The following FDX1 variants were observed in gnomAD, a reference collection of about 807,000 sequenced individuals.
FDX1 encodes adrenodoxin, mitochondrial.
FDX1 carries 9 observed loss-of-function variants against 14.9 expected under a neutral mutation model. The observed-to-expected ratio is 0.60, with a 90% CI of 0.36 to 1.05. The LOEUF (loss-of-function observed/expected upper bound fraction) is 1.05, where lower values mean the gene tolerates loss of function less well. Ranked by LOEUF, FDX1 falls within the 50% of genes least tolerant of loss-of-function variation. The probability of loss-of-function intolerance (pLI) is 0.01; values close to 1 mark genes in which losing one functional copy is unlikely to be tolerated. For missense variants in FDX1, 204 were observed against 237.2 expected (o/e 0.86, Z 0.92); for synonymous variants, 92 against 99.4 (o/e 0.93, Z 0.44).
intron 2 of FDX1, among the ~76,000 whole-genome samples, chr11:110,453,471 C>CTT (rs35726307): frequency 3.0e-4 from 44 of 146,190 alleles, no homozygotes; most frequent in African/African-American, 1.1e-3. Flanking sequence ...AAAGGAGTAA[C>CTT]TTTTTTTTTT....
chr11:110,450,936 G>A (rs1946482278), intron 2 of FDX1, among the ~76,000 whole-genome samples: 1 of 152,098 alleles, frequency 6.6e-6, no homozygotes, highest in Non-Finnish European at 1.5e-5. Flanking sequence ...CTGGGGCTGT[G>A]TATATAATAA....
chr11:110,464,235 G>A lies in FDX1; in HGVS notation c.*1767G>A, dbSNP rs1235848390. The A allele has an allele frequency of 6.6e-6, 1 of 152,140 alleles. No individual in the cohort carries two copies. Among genetic ancestry groups the A allele is most frequent in the Non-Finnish European group, 1.5e-5 (1 of 68,044 alleles). The allele number at this position is 152,140 out of a possible 1,614,324, so 9.4% of individuals were successfully genotyped here. A position where few individuals can be genotyped will look rare whatever the true frequency, so the allele number is the denominator to read the frequency against. The stretch of plus-strand genomic sequence containing the variant: ...GCCATAACTATTGAATGCTTTCTAT[G>A]TGGAGAGTGCTTGTCTTAATTTTCT... On this transcript the variant is annotated 3_prime_UTR_variant, in exon 4 of 4. Coordinates refer to ENST00000260270, the MANE Select transcript of FDX1 (RefSeq NM_004109.5).
At chr11:110,445,029 G>A (rs1368334986) in intron 2 of FDX1, among the ~76,000 whole-genome samples, 1 of 151,410 alleles carries the variant, frequency 6.6e-6, no homozygotes, top group African/African-American at 2.4e-5. Context: ...TGTGAAAAAT[G>A]ATGTTGGTAG....
At chr11:110,457,278 T>C (rs1036327594) in intron 3 of FDX1, among the ~76,000 whole-genome samples, 2 of 152,190 alleles carry the variant, frequency 1.3e-5, no homozygotes, top group African/African-American at 4.8e-5. Context: ...AAGTATAAGT[T>C]CTAGATCCTA....
chr11:110,444,967 G>A (rs1946441278), intron 2 of FDX1, among the ~76,000 whole-genome samples: 2 of 151,494 alleles, frequency 1.3e-5, no homozygotes, highest in Admixed American at 6.6e-5. Flanking sequence ...TTTGGGGCCT[G>A]TCTACCCTGC....
intron 2 of FDX1, among the ~76,000 whole-genome samples, chr11:110,443,817 T>C (rs1008602996): frequency 2.0e-5 from 3 of 152,000 alleles, no homozygotes; most frequent in Admixed American, 2.0e-4. Flanking sequence ...TCTCTGATGA[T>C]TAGTGATGTG....
intron 2 of FDX1, among the ~76,000 whole-genome samples, chr11:110,456,464 C>A (rs1946522183): frequency 6.8e-6 from 1 of 147,510 alleles, no homozygotes; most frequent in Non-Finnish European, 1.5e-5. Context: ...GAGATGGAGG[C>A]TTGTTGCCCC....
chr11:110,457,981 A>C (rs1946533081), intron 3 of FDX1, among the ~76,000 whole-genome samples: 1 of 152,216 alleles, frequency 6.6e-6, no homozygotes, highest in African/African-American at 2.4e-5. Flanking sequence ...ACACCAAAGC[A>C]GAGTGGATTG....
At chr11:110,443,958 A>G (rs1946421844) in intron 2 of FDX1, among the ~76,000 whole-genome samples, 1 of 151,856 alleles carries the variant, frequency 6.6e-6, no homozygotes, top group Non-Finnish European at 1.5e-5. Flanking sequence ...GATTCTGGAT[A>G]TTAGACCTTT....
In FDX1 at chr11:110,462,565, A is replaced by G. The variant is rs2134696211; in HGVS notation, c.*97A>G. On this transcript the variant is annotated 3_prime_UTR_variant, in exon 4 of 4. Transcript: ENST00000260270. ...ATGAGAACATGGATGAGTGGACTTC[A>G]TATTATGACTAGCTTTACTATTTTA... 1.8e-6 allele frequency: 1 copy of G among 543,668 alleles called. No homozygotes were observed. The highest frequency in any genetic ancestry group is 3.2e-6 in the Non-Finnish European group (1 of 315,952). 33.7% of individuals were successfully genotyped at this position (543,668 alleles called of 1,614,324 possible). A position where few individuals can be genotyped will look rare whatever the true frequency, so the allele number is the denominator to read the frequency against.
chr11:110,433,407 C>T (rs1358750995), intron 1 of FDX1, among the ~76,000 whole-genome samples: 1 of 152,152 alleles, frequency 6.6e-6, no homozygotes, highest in Non-Finnish European at 1.5e-5. Flanking sequence ...ATGGTACCAC[C>T]TAATTGTGTG....
rs1475929898 is a variant in FDX1 at position 110,459,577 on chromosome 11, T to A, written c.440+2530T>A. Among the ~76,000 whole-genome samples the A allele has an allele frequency of 2.0e-5, 3 of 152,238 alleles. No homozygotes were observed. The East Asian group carries it at 5.8e-4, about 29-fold the overall frequency. ...TTAGTCTTTTACTATTTCAAGCTGCTTCTCTGAGTTGAAAACCAAACCCTA... is the reference window on the plus strand; with the variant it reads ...TTAGTCTTTTACTATTTCAAGCTGCATCTCTGAGTTGAAAACCAAACCCTA... On this transcript the variant is annotated intron_variant, in intron 3 of 3. Coordinates refer to ENST00000260270, the MANE Select transcript of FDX1 (RefSeq NM_004109.5).
intron 2 of FDX1, among the ~76,000 whole-genome samples, chr11:110,452,956 CA>C (rs1946496148): frequency 6.6e-6 from 1 of 152,154 alleles, no homozygotes; most frequent in East Asian, 1.9e-4. Context: ...AAAGCAACAG[CA>C]AAAGGGAATT....
intron 2 of FDX1, among the ~76,000 whole-genome samples, chr11:110,439,202 C>G (rs1946389870): frequency 6.6e-6 from 1 of 151,782 alleles, no homozygotes; most frequent in Non-Finnish European, 1.5e-5. Flanking sequence ...ACCATGCCTG[C>G]TCTGCCCACT....
chr11:110,454,991 A>G (rs539813426), intron 2 of FDX1, among the ~76,000 whole-genome samples: 1 of 152,074 alleles, frequency 6.6e-6, no homozygotes, highest in African/African-American at 2.4e-5. Flanking sequence ...AAACTTCACG[A>G]TGGTGTTTTT....
At chr11:110,446,038 C>T (rs764278954) in intron 2 of FDX1, among the ~76,000 whole-genome samples, 4 of 152,032 alleles carry the variant, frequency 2.6e-5, no homozygotes, top group African/African-American at 9.7e-5. Context: ...TAGAAATTCG[C>T]GTATTCAGAC....
intron 2 of FDX1, among the ~76,000 whole-genome samples, chr11:110,456,016 A>G (rs1016730320): frequency 6.6e-6 from 1 of 152,302 alleles, no homozygotes; most frequent in Non-Finnish European, 1.5e-5. Flanking sequence ...TAGTTCTCTC[A>G]TCACAGTGTC....
intron 2 of FDX1, among the ~76,000 whole-genome samples, chr11:110,445,972 G>A (rs1347169965): frequency 1.3e-5 from 2 of 151,710 alleles, no homozygotes; most frequent in African/African-American, 4.8e-5. Context: ...TCTTTTTTCC[G>A]AATACCCAAG....
chr11:110,437,014 G>C (rs1176184511), intron 2 of FDX1, among the ~76,000 whole-genome samples: 1 of 152,048 alleles, frequency 6.6e-6, no homozygotes, highest in Non-Finnish European at 1.5e-5. Context: ...AAAATTTTTT[G>C]AGACAGGATC....
Sources: gnomAD v4.1 joint callset for allele counts (sites outside exome capture counted in the v4.1 genomes callset) on GRCh38, gnomAD v4.1.1 for gene constraint, MANE v1.5 for transcripts, NCBI Gene and HGNC (gene_info 2026-07-23, HGNC 2026-07-21) for gene names.